PCLO: variants seen among roughly 807,000 people sequenced by gnomAD.
PCLO encodes the protein protein piccolo.
Under a neutral mutation model 427.5 loss-of-function variants are expected in PCLO, and 82 were observed. The ratio of observed to expected loss-of-function variants is 0.19; its 90% confidence interval spans 0.16 to 0.23. The LOEUF (loss-of-function observed/expected upper bound fraction) is 0.23. Ranked by LOEUF, PCLO falls within the 10% of genes least tolerant of loss-of-function variation. The probability of loss-of-function intolerance (pLI) is 1.00; values close to 1 mark genes in which losing one functional copy is unlikely to be tolerated. For missense variants in PCLO, 6,239 were observed against 6,115.9 expected, an observed-to-expected ratio of 1.02 and a Z score of -0.67; for synonymous variants, 2,357 against 2,155.4, an observed-to-expected ratio of 1.09 and a Z score of -2.59.
At position 83,116,474 on chromosome 7, in the gene PCLO, C is replaced by T. The variant is rs11973714; in HGVS notation, c.3300+17776G>A. The stretch of plus-strand genomic sequence containing the variant: ...GTTCAGTAAGTTTCAGTAAAGGAAA[C>T]AACTTTTCTCTTTTTAAATTTTTTT... On this transcript the variant is annotated intron_variant, in intron 3 of 24. Transcript: ENST00000333891. Among the ~76,000 whole-genome samples, 539 of 152,168 alleles carry T rather than the reference C, an allele frequency of 3.5e-3. 2 individuals are homozygous for T. The highest frequency in any genetic ancestry group is 0.013 in the African/African-American group (523 of 41,546).
intron 16 of PCLO, among the ~76,000 whole-genome samples, chr7:82,829,367 G>C (rs1357561657): frequency 1.3e-5 from 2 of 152,138 alleles, no homozygotes; most frequent in Non-Finnish European, 2.9e-5. Context: ...CTGGGATGAG[G>C]CTTGAGTATT....
chr7:83,131,993 A>T (rs1401881465), intron 3 of PCLO, among the ~76,000 whole-genome samples: 1 of 152,178 alleles, frequency 6.6e-6, no homozygotes, highest in Non-Finnish European at 1.5e-5. Context: ...ATGCATATAT[A>T]CACACATATG....
At chr7:82,858,902 A>T (rs1792878374) in intron 10 of PCLO, among the ~76,000 whole-genome samples, 1 of 152,206 alleles carries the variant, frequency 6.6e-6, no homozygotes, top group South Asian at 2.1e-4. Context: ...AGTGATCTGC[A>T]GATTAAATGC....
chr7:82,898,479 T>C (rs1473130625), intron 9 of PCLO, among the ~76,000 whole-genome samples: 4 of 151,446 alleles, frequency 2.6e-5, no homozygotes, highest in African/African-American at 7.3e-5. Flanking sequence ...AAACTATTTA[T>C]AAAGTTAGAA....
chr7:82,819,146 A>G (rs1310849080), intron 20 of PCLO, among the ~76,000 whole-genome samples: 1 of 152,188 alleles, frequency 6.6e-6, no homozygotes, highest in Non-Finnish European at 1.5e-5. Context: ...TAATAGCAGA[A>G]AAATTATACT....
At chr7:83,091,190 A>C (rs1195218662) in intron 3 of PCLO, among the ~76,000 whole-genome samples, 1 of 152,180 alleles carries the variant, frequency 6.6e-6, no homozygotes, top group Non-Finnish European at 1.5e-5. Flanking sequence ...GGATTTGTAG[A>C]ATGAAGGAAT....
intron 3 of PCLO, among the ~76,000 whole-genome samples, chr7:83,100,659 T>C (rs191859793): frequency 2.6e-5 from 4 of 152,146 alleles, no homozygotes; most frequent in African/African-American, 4.8e-5. Context: ...TTTTGGAGGA[T>C]GGAGGGTGAG....
intron 20 of PCLO, among the ~76,000 whole-genome samples, chr7:82,819,724 G>A (rs1338537482): frequency 6.6e-6 from 1 of 151,912 alleles, no homozygotes; most frequent in Non-Finnish European, 1.5e-5. Flanking sequence ...TCTGTAATGC[G>A]ACATATATCT....
intron 16 of PCLO, among the ~76,000 whole-genome samples, chr7:82,831,493 C>T (rs1041091161): frequency 6.6e-6 from 1 of 151,902 alleles, no homozygotes. Flanking sequence ...TTATAAACAT[C>T]GTGAACAAGT....
intron 14 of PCLO, among the ~76,000 whole-genome samples, chr7:82,840,752 T>A (rs187015835): frequency 2.0e-4 from 30 of 152,184 alleles, no homozygotes; most frequent in African/African-American, 7.2e-4. Flanking sequence ...AGACTCTCTT[T>A]CATCTGAAAC....
At chr7:83,141,925 T>A (rs1401914624) in intron 2 of PCLO, among the ~76,000 whole-genome samples, 1 of 152,204 alleles carries the variant, frequency 6.6e-6, no homozygotes, top group Non-Finnish European at 1.5e-5. Flanking sequence ...TTGATACATC[T>A]AAGCAATGAA....
intron 9 of PCLO, among the ~76,000 whole-genome samples, chr7:82,891,000 G>C (rs1166575245): frequency 6.6e-6 from 1 of 151,920 alleles, no homozygotes; most frequent in Non-Finnish European, 1.5e-5. Context: ...TGGTTGCCTA[G>C]TGGGACTAAT....
At position 82,822,552 on chromosome 7, in the gene PCLO, C is replaced by A. The variant is rs766173569; in HGVS notation, c.14734G>T (p.Ala4912Ser). The change falls in exon 20 of 25, where the codon GCA becomes TCA. Residue 4912 changes from alanine (A) to serine (S), a missense_variant. Physicochemically the swap from Ala to Ser is moderately conservative, Grantham distance 99. Coordinates refer to ENST00000333891, the MANE Select transcript of PCLO (RefSeq NM_033026.6). ...TCGGCAGCAGCTATGGCAGCCCCTG[C>A]ATCTTCCAGGTGGGTCTGAGTGACG... ...TSVTQTHLED[A>S]GAAIAAAEAA... 2 of 1,613,894 alleles carry A rather than the reference C, an allele frequency of 1.2e-6. No homozygotes were observed. Among genetic ancestry groups the A allele is most frequent in the Non-Finnish European group, 8.5e-7 (1 of 1,179,856 alleles).
intron 3 of PCLO, among the ~76,000 whole-genome samples, chr7:83,006,736 G>A (rs533397698): frequency 5.9e-5 from 9 of 151,320 alleles, no homozygotes; most frequent in Admixed American, 4.0e-4. Flanking sequence ...ATTCCTACAA[G>A]TTACAAAAAA....
chr7:82,962,893 T>C (rs773133575), intron 4 of PCLO, among the ~76,000 whole-genome samples: 1 of 151,960 alleles, frequency 6.6e-6, no homozygotes, highest in Non-Finnish European at 1.5e-5. Context: ...ATTTATTTTG[T>C]ACTGAGACAG....
intron 3 of PCLO, among the ~76,000 whole-genome samples, chr7:83,098,424 A>T (rs781128361): frequency 1.1e-4 from 16 of 152,148 alleles, no homozygotes; most frequent in Non-Finnish European, 1.8e-4. Flanking sequence ...TGCGATAGAC[A>T]CCAAGGGAAT....
intron 10 of PCLO, among the ~76,000 whole-genome samples, chr7:82,863,487 A>C (rs1020764740): frequency 1.3e-5 from 2 of 151,944 alleles, no homozygotes; most frequent in Non-Finnish European, 2.9e-5. Context: ...TAACATAAAA[A>C]ATCAAATGTC....
At chr7:82,905,571 CACTT>C (rs1465058078) in intron 8 of PCLO, among the ~76,000 whole-genome samples, 2 of 152,010 alleles carry the variant, frequency 1.3e-5, no homozygotes, top group Non-Finnish European at 2.9e-5. Context: ...AAAGGAAAAA[CACTT>C]ACCCCAGATT....
In PCLO at chr7:83,162,818, G is replaced by A. The variant is rs914316352; in HGVS notation, c.-226C>T. 6 of 586,656 alleles carry A rather than the reference G, an allele frequency of 1.0e-5. No homozygotes were observed. The highest frequency in any genetic ancestry group is 8.7e-6 in the Non-Finnish European group (3 of 343,482). The allele number at this position is 586,656 out of a possible 1,614,324, so 36.3% of individuals were successfully genotyped here. ...GCCTCCTCCATGTTGGACAGCGCCA[G>A]GCAACCTTTGCAGAAGACACCTCCC... On this transcript the variant is annotated 5_prime_UTR_variant, in exon 1 of 25. Coordinates refer to ENST00000333891, the MANE Select transcript of PCLO (RefSeq NM_033026.6).
Sources: allele counts gnomAD v4.1 joint callset (sites outside exome capture counted in the v4.1 genomes callset), GRCh38; gene constraint gnomAD v4.1.1; transcripts MANE v1.5; gene names NCBI Gene and HGNC (gene_info 2026-07-23, HGNC 2026-07-21).